Variants in TRIP11 observed in about 807,000 individuals in gnomAD.
TRIP11 encodes thyroid hormone receptor interactor 11.
In TRIP11, 148 loss-of-function variants were observed where a neutral mutation model predicts 223.1. The ratio of observed to expected loss-of-function variants is 0.66; its 90% CI spans 0.58 to 0.76. The LOEUF is 0.76. Ranked by LOEUF, TRIP11 falls within the 30% of genes least tolerant of loss-of-function variation. TRIP11 has a pLI of 0.00. For missense variants in TRIP11, 2,043 were observed against 2,222.0 expected (o/e 0.92, Z 1.62); for synonymous variants, 762 against 772.6 (o/e 0.99, Z 0.23).
chr14:92,014,587 A>T lies in TRIP11; in HGVS notation c.824-10T>A. 3.8e-6 allele frequency: 6 copies of T among 1,599,356 alleles called. No homozygotes were observed. Among genetic ancestry groups the T allele is most frequent in the Non-Finnish European group, 4.2e-6 (5 of 1,176,556 alleles). ...ATAACTCCAGAGCCACCTAGAACAT[A>T]AACACAAAACAATGACATCAAATGT... On this transcript the variant is annotated splice_polypyrimidine_tract_variant and intron_variant, in intron 6 of 20. Transcript: ENST00000267622.
chr14:91,997,554 C>A (rs368746674), intron 13 of TRIP11, among the ~76,000 whole-genome samples: 4 of 151,694 alleles, frequency 2.6e-5, no homozygotes, highest in African/African-American at 9.7e-5. Context: ...AATAAAGCAC[C>A]CTTTAGGAAG....
chr14:92,014,151 G>T, intron 7 of TRIP11, 64 bp downstream of exon 7: 1 of 1,604,118 alleles, frequency 6.2e-7, no homozygotes, highest in Non-Finnish European at 8.5e-7. Flanking sequence ...TGAAGCATCT[G>T]TCTCTAAAAA....
At chr14:92,029,117 T>C (rs1267179583) in intron 2 of TRIP11, among the ~76,000 whole-genome samples, 1 of 152,110 alleles carries the variant, frequency 6.6e-6, no homozygotes, top group Non-Finnish European at 1.5e-5. Context: ...TTAAAACATT[T>C]GGCTCTTTTA....
intron 20 of TRIP11, among the ~76,000 whole-genome samples, chr14:91,970,818 A>C (rs1472568126): frequency 6.6e-6 from 1 of 152,238 alleles, no homozygotes. Context: ...CCATAACAAC[A>C]GCTTTTTAAA....
chr14:91,995,766 C>T (rs2056743647), intron 13 of TRIP11, among the ~76,000 whole-genome samples: 1 of 151,996 alleles, frequency 6.6e-6, no homozygotes, highest in South Asian at 2.1e-4. Flanking sequence ...TAGGCGTGCA[C>T]AACCATGCCT....
In TRIP11 at chr14:92,015,802, C is replaced by T. The variant is rs375159312; in HGVS notation, c.717G>A (p.Leu239=). 5 of 1,613,142 alleles carry T rather than the reference C, an allele frequency of 3.1e-6. No individual in the cohort carries two copies. The Admixed American group carries it at 5.0e-5, about 16-fold the overall frequency. The change falls in exon 6 of 21, where the codon CTG becomes CTA. Residue 239 remains leucine (L), a synonymous_variant. Coordinates refer to ENST00000267622, the MANE Select transcript of TRIP11 (RefSeq NM_004239.4). ...TCAATTTCTGTTGGTGTGCATTCTG[C>T]AGTACTGACATTTCATGTTGATGGT... ...IDDHQHEMSV[L]QNAHQQKLTE... is the part of the protein sequence containing the mutation.
At chr14:92,025,029 T>G (rs920065781) in intron 3 of TRIP11, among the ~76,000 whole-genome samples, 4 of 151,998 alleles carry the variant, frequency 2.6e-5, no homozygotes, top group African/African-American at 7.2e-5. Flanking sequence ...AAGCAACAGA[T>G]CCCTAAAGAT....
At position 92,021,705 on chromosome 14, in the gene TRIP11, C is replaced by T. The variant is rs59665355; in HGVS notation, c.439G>A (p.Ala147Thr). 6.2e-6 allele frequency: 10 copies of T among 1,613,970 alleles called. 1 individual carries two copies. The highest frequency in any genetic ancestry group is 4.5e-5 in the East Asian group (2 of 44,898). Reference sequence around the variant, plus strand: ...GAAGGATGATGACTAATCCCATAAGCGAATGAAGATGATGCAGTGGTTGCT... The same window carrying T: ...GAAGGATGATGACTAATCCCATAAGTGAATGAAGATGATGCAGTGGTTGCT... ...VPATTASSSF[A>T]YGISHHPSAF... Residue 147 changes from alanine (A) to threonine (T), a missense_variant, in exon 4 of 21, where the codon GCT (alanine) becomes ACT (threonine). Physicochemically the swap from Ala to Thr is moderately conservative, Grantham distance 58. Transcript: ENST00000267622.
intron 4 of TRIP11, among the ~76,000 whole-genome samples, chr14:92,020,007 G>C (rs2057089417): frequency 6.6e-6 from 1 of 152,094 alleles, no homozygotes; most frequent in South Asian, 2.1e-4. Flanking sequence ...GCTCATGTCT[G>C]TAATCCCAAC....
intron 15 of TRIP11, among the ~76,000 whole-genome samples, chr14:91,990,625 G>A (rs534900028): frequency 5.5e-4 from 83 of 152,282 alleles, no homozygotes; most frequent in Non-Finnish European, 1.0e-3. Flanking sequence ...GATCACACTG[G>A]TGAAGAGCCA....
At position 91,969,557 on chromosome 14, in the gene TRIP11, C is replaced by T; in HGVS notation, c.*116G>A. 2 of 998,376 alleles carry T rather than the reference C, an allele frequency of 2.0e-6. 1 individual carries two copies. The highest frequency in any genetic ancestry group is 2.7e-5 in the South Asian group (2 of 74,920). The allele number at this position is 998,376 out of a possible 1,614,324, so 61.8% of individuals were successfully genotyped here. A position where few individuals can be genotyped will look rare whatever the true frequency, so the allele number is the denominator to read the frequency against. ...ATATTTTTATTAAATTCAGAGAAAG[C>T]ATAATTGCGAACAAATACATGACTT... On this transcript the variant is annotated 3_prime_UTR_variant, in exon 21 of 21. Transcript: ENST00000267622.
At position 92,007,664 on chromosome 14, in the gene TRIP11, G is replaced by A. The variant is rs1435851683; in HGVS notation, c.1503C>T (p.Asp501=). 6.2e-7 allele frequency: 1 copy of A among 1,613,482 alleles called. No homozygotes were observed. Among genetic ancestry groups the A allele is most frequent in the Non-Finnish European group, 8.5e-7 (1 of 1,179,940 alleles). ...CCTTTGTAGCTTCTTGATTCTGTCT[G>A]TCCAATTCTTCTATCTCAGCTATCA... is the stretch of plus-strand genomic sequence containing the variant. ...ETLIAEIEEL[D]RQNQEATKHM... The change falls in exon 10 of 21, where the codon GAC becomes GAT. Residue 501 remains aspartate, a synonymous_variant. Transcript: ENST00000267622.
chr14:91,973,023 C>A (rs1259065913), intron 19 of TRIP11, among the ~76,000 whole-genome samples, 162 bp from the exon 20 acceptor site: 2 of 143,448 alleles, frequency 1.4e-5, no homozygotes, highest in Non-Finnish European at 3.0e-5. Flanking sequence ...AAAATACTGG[C>A]ACTTTTTTTT....
At chr14:91,993,551 G>A (rs772157028) in intron 15 of TRIP11, among the ~76,000 whole-genome samples, 9 of 141,778 alleles carry the variant, frequency 6.3e-5, no homozygotes, top group East Asian at 4.1e-4. Flanking sequence ...TTTTTTCCCC[G>A]GAGACCTCTA....
Position 92,014,608 on chromosome 14 carries a change from A to C in TRIP11, c.824-31T>G, listed in dbSNP as rs765487730. ...ACATAAACACAAAACAATGACATCA[A>C]ATGTCAAGTACCAAGAAATAAACGG... is the stretch of plus-strand genomic sequence containing the variant. On this transcript the variant is annotated intron_variant, in intron 6 of 20. Coordinates refer to ENST00000267622, the MANE Select transcript of TRIP11 (RefSeq NM_004239.4). 4 of 1,589,524 alleles carry C rather than the reference A, an allele frequency of 2.5e-6. No homozygotes were observed. In the South Asian group the frequency reaches 3.4e-5, roughly 13 times the overall value.
Position 91,967,990 on chromosome 14 carries a change from GAGATACA to G in TRIP11, c.*1676_*1682del, listed in dbSNP as rs1299919829. 1 of 200,772 alleles carries G rather than the reference GAGATACA, an allele frequency of 5.0e-6. No individual in the cohort carries two copies. 12.4% of individuals were successfully genotyped at this position (200,772 alleles called of 1,614,324 possible). On this transcript the variant is annotated 3_prime_UTR_variant, in exon 21 of 21. Transcript: ENST00000267622. The stretch of plus-strand genomic sequence containing the variant: ...TGGCAATATAAATTAGTTATCTAAG[GAGATACA>G]AGACATTCTGAAGCAGCATTTTCAG...
At position 92,003,436 on chromosome 14, in the gene TRIP11, A is replaced by G; in HGVS notation, c.4540T>C (p.Leu1514=). The change falls in exon 11 of 21, where the codon TTG becomes CTG. Residue 1514 remains leucine, a synonymous_variant. Transcript: ENST00000267622. The part of the protein sequence containing the change: ...KEKALAFEQL[L]KEKEQGKTGE... ...GAACACACCTGTTCTTTCTCTTTCAATAGCTGTTCAAAAGCAAGAGCCTTC... is the reference window on the plus strand; with the variant it reads ...GAACACACCTGTTCTTTCTCTTTCAGTAGCTGTTCAAAAGCAAGAGCCTTC... The G allele has an allele frequency of 6.2e-7, 1 of 1,613,612 alleles. No homozygotes were observed. Among genetic ancestry groups the G allele is most frequent in the Non-Finnish European group, 8.5e-7 (1 of 1,179,998 alleles).
In TRIP11 at chr14:92,003,996, G is replaced by A. The variant is rs1252884620; in HGVS notation, c.3980C>T (p.Ala1327Val). The A allele has an allele frequency of 1.2e-6, 2 of 1,614,160 alleles. No individual in the cohort carries two copies. The highest frequency in any genetic ancestry group is 3.3e-5 in the Admixed American group (2 of 60,026). Residue 1327 changes from alanine to valine, a missense_variant, in exon 11 of 21, where the codon GCA becomes GTA. Physicochemically the swap from Ala to Val is moderately conservative, Grantham distance 64 (BLOSUM62 0). Transcript: ENST00000267622. ...AGACTTACTTGCTCTAAGACACTCT[G>A]CAGACTGGGGAGTAAGCAATGATGC... ...SSASLLTPQS[A>V]ECLRASKSEV...
At chr14:92,014,960 G>C in intron 6 of TRIP11, among the ~76,000 whole-genome samples, 1 of 149,854 alleles carries the variant, frequency 6.7e-6, no homozygotes, top group Non-Finnish European at 1.5e-5. Flanking sequence ...CTGGAGGGCA[G>C]TGGTGCCATC....
Sources: gnomAD v4.1 joint callset for allele counts (sites outside exome capture counted in the v4.1 genomes callset) on GRCh38, gnomAD v4.1.1 for gene constraint, MANE v1.5 for transcripts, NCBI Gene and HGNC (gene_info 2026-07-23, HGNC 2026-07-21) for gene names.